Variants in MGAM observed in about 807,000 individuals in gnomAD.
MGAM encodes the protein maltase-glucoamylase, also known as alpha-1,4-glucosidase.
A neutral mutation model predicts 358.8 loss-of-function variants in MGAM; 253 were observed. That is an observed-to-expected ratio of 0.71 (90% CI 0.64 to 0.78). The LOEUF is 0.78. MGAM is among the 30% of genes least tolerant of loss of function. The pLI, the probability that MGAM is intolerant of heterozygous loss-of-function variation, is 0.00. For synonymous variants in MGAM, 1,105 were observed against 1,227.1 expected (o/e 0.90, Z 2.08); for missense variants, 3,080 against 3,432.6 (o/e 0.90, Z 2.57).
chr7:142,103,492 G>C (rs1816606968), intron 70 of MGAM, 53 bp downstream of exon 70: 4 of 1,455,542 alleles, frequency 2.7e-6, no homozygotes, highest in Non-Finnish European at 3.7e-6. Flanking sequence ...AATATGCCTA[G>C]TGCAGTGCCT....
At chr7:142,089,323 C>T (rs1191840967) in intron 57 of MGAM, among the ~76,000 whole-genome samples, 3 of 146,400 alleles carry the variant, frequency 2.0e-5, no homozygotes, top group Non-Finnish European at 1.5e-5. Flanking sequence ...GCAGGGATGC[C>T]CATAGCTCTG....
At chr7:141,988,935 G>A (rs1554446761) in intron 2 of MGAM, among the ~76,000 whole-genome samples, 2 of 152,148 alleles carry the variant, frequency 1.3e-5, no homozygotes. Context: ...CTTTGCAGGT[G>A]GCATGAGATG....
chr7:142,079,016 C>A lies in MGAM; in HGVS notation c.5847+8C>A, dbSNP rs372603679. On this transcript the variant is annotated splice_region_variant and intron_variant, in intron 49 of 70. Coordinates refer to ENST00000475668, the MANE Select transcript of MGAM (RefSeq NM_001365693.1). Reference sequence around the variant, plus strand: ...GAAATGCTACAGTTCAAGGTAAACACGGTACATATATCAGGCAGTGATAAG... The same window carrying A: ...GAAATGCTACAGTTCAAGGTAAACAAGGTACATATATCAGGCAGTGATAAG... 4 of 1,542,352 alleles carry A rather than the reference C, an allele frequency of 2.6e-6. 1 individual carries two copies. Among genetic ancestry groups the A allele is most frequent in the South Asian group, 2.3e-5 (2 of 88,726 alleles).
chr7:141,994,001 G>A (rs1267547495), upstream of MGAM, among the ~76,000 whole-genome samples: 4 of 152,100 alleles, frequency 2.6e-5, no homozygotes, highest in Non-Finnish European at 4.4e-5. Context: ...GCAGCCTCAT[G>A]AGTAGCTGGG....
intron 42 of MGAM, among the ~76,000 whole-genome samples, 155 bp from the exon 43 acceptor site, chr7:142,068,492 A>C (rs1335839909): frequency 6.9e-6 from 1 of 145,920 alleles, no homozygotes; most frequent in Non-Finnish European, 1.6e-5. Context: ...TAAAAAAGAA[A>C]ACAGGAAGAA....
In MGAM at chr7:142,059,931, A is replaced by G; in HGVS notation, c.4024A>G (p.Lys1342Glu). ...TRGVEDDVFIKYPNDGDIVWG... is the reference protein window; with the variant it reads ...TRGVEDDVFIEYPNDGDIVWG... The stretch of plus-strand genomic sequence containing the variant: ...GGGCGTGGAGGATGACGTCTTCATC[A>G]AATACCCAAATGATGGAGACATTGT... The change falls in exon 33 of 71, where the codon AAA becomes GAA. Residue 1342 changes from lysine (K) to glutamate (E), a missense_variant. Lys to Glu is a moderately conservative substitution (Grantham distance 56, BLOSUM62 1). Coordinates refer to ENST00000475668, the MANE Select transcript of MGAM (RefSeq NM_001365693.1). 6.2e-7 allele frequency: 1 copy of G among 1,609,706 alleles called. No individual in the cohort carries two copies. Among genetic ancestry groups the G allele is most frequent in the Non-Finnish European group, 8.5e-7 (1 of 1,177,978 alleles).
intron 1 of MGAM, among the ~76,000 whole-genome samples, chr7:142,003,699 G>A (rs1318686945): frequency 6.6e-6 from 1 of 151,768 alleles, no homozygotes; most frequent in Non-Finnish European, 1.5e-5. Context: ...TCAGACAAAA[G>A]GGGACTTAAT....
At chr7:142,034,589 T>G in intron 15 of MGAM, 81 bp from the exon 16 acceptor site, 1 of 1,306,750 alleles carries the variant, frequency 7.7e-7, no homozygotes, top group Non-Finnish European at 1.1e-6. Flanking sequence ...ACTTTTAATG[T>G]CTTTTGTATT....
intron 1 of MGAM, among the ~76,000 whole-genome samples, chr7:142,004,041 A>C (rs185438888): frequency 1.3e-5 from 2 of 152,156 alleles, no homozygotes; most frequent in East Asian, 3.9e-4. Context: ...TCAAAAAACA[A>C]CACATATTGG....
At chr7:142,027,445 C>T (rs1486541076) in intron 9 of MGAM, among the ~76,000 whole-genome samples, 165 bp from the exon 10 acceptor site, 1 of 152,150 alleles carries the variant, frequency 6.6e-6, no homozygotes, top group Non-Finnish European at 1.5e-5. Flanking sequence ...ATGGCCCTAC[C>T]CTCAAACATT....
rs782503356 is a variant in MGAM, at chr7:142,021,083, G to A, written c.558G>A (p.Lys186=). 6.3e-7 allele frequency: 1 copy of A among 1,583,956 alleles called. No homozygotes were observed. Among genetic ancestry groups the A allele is most frequent in the South Asian group, 1.2e-5 (1 of 86,282 alleles). Residue 186 remains lysine (K), a splice_region_variant and synonymous_variant, in exon 5 of 71, where the codon AAG becomes AAA. Coordinates refer to ENST00000475668, the MANE Select transcript of MGAM (RefSeq NM_001365693.1). ...AGACATCTAATCGTTTCCACTTTAA[G>A]GTTGTAATTTGTTTATTTTTTTTTA... ...EYQTSNRFHF[K]LTDQTNNRFE...
chr7:142,055,454 C>A (rs1396915219), intron 27 of MGAM, 104 bp from the exon 28 acceptor site: 4 of 1,409,164 alleles, frequency 2.8e-6, no homozygotes, highest in Admixed American at 1.7e-5. Context: ...ATATGAACAG[C>A]TTCTTGGTAG....
intron 8 of MGAM, 89 bp from the exon 9 acceptor site, chr7:142,027,026 G>C: frequency 1.0e-6 from 1 of 990,574 alleles, no homozygotes; most frequent in Non-Finnish European, 1.6e-6. Context: ...ATGTTCACAT[G>C]GTTAGTGATC....
rs531830179 is a variant in MGAM, at chr7:142,061,124, A to G, written c.4122+751A>G. 4.6e-5 allele frequency among the ~76,000 whole-genome samples: 7 copies of G among 152,334 alleles called. No individual in the cohort carries two copies. In the South Asian group the frequency reaches 1.4e-3, roughly 32 times the overall value. On this transcript the variant is annotated intron_variant, in intron 34 of 70. Transcript: ENST00000475668. ...AGGCAAGAGTTGAATATGGACAGGC[A>G]AAGCCAGCACCTTGGAGAACGGCAG...
rs868837546 is a variant in MGAM at position 142,042,631 on chromosome 7, T to A, written c.2498+1785T>A. Among the ~76,000 whole-genome samples, 2 of 13,632 alleles carry A rather than the reference T, an allele frequency of 1.5e-4. 1 individual carries two copies. Among genetic ancestry groups the A allele is most frequent in the Admixed American group, 3.1e-3 (2 of 642 alleles). 8.9% of individuals were successfully genotyped at this position (13,632 alleles called of 152,430 possible). A position where few individuals can be genotyped will look rare whatever the true frequency, so the allele number is the denominator to read the frequency against. ...TATAATATATATTATATATACATAT[T>A]ATATATAATATATAATATATATTAT... On this transcript the variant is annotated intron_variant, in intron 21 of 70. Transcript: ENST00000475668.
intron 44 of MGAM, among the ~76,000 whole-genome samples, chr7:142,073,829 T>G (rs1328318003): frequency 6.8e-6 from 1 of 146,244 alleles, no homozygotes. Context: ...TTATTTGAGC[T>G]ATTGCAGTGC....
chr7:142,065,600 T>A lies in MGAM; in HGVS notation c.4631T>A (p.Phe1544Tyr), dbSNP rs1812654541. ...LKKSIIGMMEFSLFGISYTGA... is the reference protein window; with the variant it reads ...LKKSIIGMMEYSLFGISYTGA... ...CTTCTCGTTGCAGGCATGATGGAGT[T>A]CAGCCTCTTTGGCATATCCTATGTG... Residue 1544 changes from phenylalanine (F) to tyrosine (Y), a missense_variant, in exon 39 of 71, where the codon TTC becomes TAC. Physicochemically the swap from Phe to Tyr is conservative, Grantham distance 22 (BLOSUM62 3). This residue lies in a region of MGAM where 134 missense variants were observed against 198.4 expected (regional missense o/e 0.68). Coordinates refer to ENST00000475668, the MANE Select transcript of MGAM (RefSeq NM_001365693.1). 6.2e-7 allele frequency: 1 copy of A among 1,613,808 alleles called. No homozygotes were observed. The highest frequency in any genetic ancestry group is 8.5e-7 in the Non-Finnish European group (1 of 1,179,874).
chr7:142,080,090 T>A (rs1689959976), intron 49 of MGAM, among the ~76,000 whole-genome samples: 1 of 146,732 alleles, frequency 6.8e-6, no homozygotes, highest in African/African-American at 2.4e-5. Context: ...CTGTGTTTGG[T>A]TAATGACTAC....
intron 10 of MGAM, among the ~76,000 whole-genome samples, chr7:142,029,116 C>G (rs993012275): frequency 6.6e-6 from 1 of 152,126 alleles, no homozygotes; most frequent in Admixed American, 6.5e-5. Context: ...CTTGGGAAGC[C>G]AAGGCAGGCA....
Sources: gnomAD v4.1 joint callset for allele counts (sites outside exome capture counted in the v4.1 genomes callset) on GRCh38, gnomAD v4.1.1 for gene constraint, gnomAD v4.1.1 regional missense constraint, MANE v1.5 for transcripts, NCBI Gene and HGNC (gene_info 2026-07-23, HGNC 2026-07-21) for gene names.